TESMIN: variants seen among roughly 807,000 people sequenced by gnomAD.
The protein encoded by TESMIN is CXC domain containing 2.
TESMIN carries 34 observed loss-of-function variants against 47.4 expected under a neutral mutation model. The observed-to-expected ratio is 0.72, with a 90% CI of 0.55 to 0.96. The LOEUF (loss-of-function observed/expected upper bound fraction) is 0.96. Ranked by LOEUF, TESMIN falls within the 40% of genes least tolerant of loss-of-function variation. The probability of loss-of-function intolerance (pLI) is 0.00; values close to 1 mark genes in which losing one functional copy is unlikely to be tolerated. For synonymous variants in TESMIN, 278 were observed against 258.9 expected (o/e 1.07, Z -0.71); for missense variants, 610 against 637.2 (o/e 0.96, Z 0.46).
chr11:68,730,663 C>G (rs1034111376), intron 6 of TESMIN, among the ~76,000 whole-genome samples: 7 of 151,944 alleles, frequency 4.6e-5, no homozygotes, highest in Non-Finnish European at 1.0e-4. Flanking sequence ...GGCATGGTGG[C>G]GGGCACCTAT....
At chr11:68,750,943 C>G (rs1946595307) in intron 1 of TESMIN, among the ~76,000 whole-genome samples, 1 of 91,532 alleles carries the variant, frequency 1.1e-5, no homozygotes, top group Non-Finnish European at 2.1e-5. Context: ...AGGTGAGGGG[C>G]GGCCAGGTGA....
intron 6 of TESMIN, chr11:68,736,232 A>T: frequency 1.0e-6 from 1 of 985,440 alleles, no homozygotes; most frequent in Non-Finnish European, 1.2e-6. Flanking sequence ...TGGTAATAGG[A>T]TTATTAAAGC....
At chr11:68,704,857 C>A (rs1205650727), downstream of TESMIN, among the ~76,000 whole-genome samples, 2 of 152,150 alleles carry the variant, frequency 1.3e-5, no homozygotes, top group Non-Finnish European at 2.9e-5. Flanking sequence ...AACCAGCTAC[C>A]ATTTTTAGGA....
intron 6 of TESMIN, among the ~76,000 whole-genome samples, chr11:68,731,253 C>A (rs577546521): frequency 1.3e-4 from 20 of 152,052 alleles, no homozygotes; most frequent in Non-Finnish European, 2.8e-4. Flanking sequence ...TTTACCCATG[C>A]CATCGCTAAA....
At chr11:68,716,110 ATGC>A (rs1946135915) in intron 6 of TESMIN, among the ~76,000 whole-genome samples, 171 bp from the exon 7 acceptor site, 1 of 152,268 alleles carries the variant, frequency 6.6e-6, no homozygotes, top group Non-Finnish European at 1.5e-5. Flanking sequence ...AACTAGGATA[ATGC>A]TCACCAGTGA....
At chr11:68,721,138 C>T (rs1169216384) in intron 6 of TESMIN, among the ~76,000 whole-genome samples, 1 of 152,124 alleles carries the variant, frequency 6.6e-6, no homozygotes, top group Non-Finnish European at 1.5e-5. Flanking sequence ...TGTACATACC[C>T]CATACTATAG....
At chr11:68,735,647 C>T (rs1946378771) in intron 6 of TESMIN, among the ~76,000 whole-genome samples, 1 of 152,216 alleles carries the variant, frequency 6.6e-6, no homozygotes, top group Non-Finnish European at 1.5e-5. Flanking sequence ...GCACACTGTC[C>T]TATACGGACT....
At chr11:68,744,475 C>G (rs2153993006) in intron 4 of TESMIN, among the ~76,000 whole-genome samples, 1 of 152,304 alleles carries the variant, frequency 6.6e-6, no homozygotes, top group Admixed American at 6.5e-5. Flanking sequence ...AAAAAAGTTT[C>G]TTAGTCAGGT....
At chr11:68,745,886 G>A (rs748701921) in intron 3 of TESMIN, among the ~76,000 whole-genome samples, 53 of 152,266 alleles carry the variant, frequency 3.5e-4, no homozygotes, top group Non-Finnish European at 5.7e-4. Flanking sequence ...TGGCATGTGG[G>A]GATAGAAAGG....
chr11:68,727,680 A>C (rs577330590), intron 6 of TESMIN, among the ~76,000 whole-genome samples: 61 of 152,318 alleles, frequency 4.0e-4, no homozygotes, highest in African/African-American at 1.3e-3. Context: ...TTAATAAAAC[A>C]AATTGAAGGT....
chr11:68,713,249 G>A lies in TESMIN; in HGVS notation c.1158+21C>T, dbSNP rs755702383. On this transcript the variant is annotated intron_variant, in intron 8 of 9. Coordinates refer to ENST00000255087, the MANE Select transcript of TESMIN (RefSeq NM_004923.3). Reference sequence around the variant, plus strand: ...ATTTACCTGTGTTTTTTGTTAGTGAGTTAGGGAGCTGGGCACTAACCTCAT... The same window carrying A: ...ATTTACCTGTGTTTTTTGTTAGTGAATTAGGGAGCTGGGCACTAACCTCAT... 3.1e-6 allele frequency: 5 copies of A among 1,603,662 alleles called. No homozygotes were observed. In the African/African-American group the frequency reaches 6.7e-5, roughly 22 times the overall value.
At chr11:68,729,071 AT>A (rs1048172179) in intron 6 of TESMIN, among the ~76,000 whole-genome samples, 1 of 152,202 alleles carries the variant, frequency 6.6e-6, no homozygotes, top group African/African-American at 2.4e-5. Context: ...TAAGAAATAC[AT>A]TTCATAAATC....
Position 68,708,040 on chromosome 11 carries a change from C to T in TESMIN, c.*268G>A, listed in dbSNP as rs900574848. The T allele has an allele frequency of 2.9e-4, 137 of 469,570 alleles. 1 individual carries two copies. The highest frequency in any genetic ancestry group is 2.4e-3 in the South Asian group (117 of 47,932). 29.1% of individuals were successfully genotyped at this position (469,570 alleles called of 1,614,324 possible). Reference sequence around the variant, plus strand: ...CCCTCCCCTGCCCTGCTCTGCCCTCCGCCGCCCTGCAGACACTCTCCCAGG... The same window carrying T: ...CCCTCCCCTGCCCTGCTCTGCCCTCTGCCGCCCTGCAGACACTCTCCCAGG... On this transcript the variant is annotated 3_prime_UTR_variant, in exon 10 of 10. Coordinates refer to ENST00000255087, the MANE Select transcript of TESMIN (RefSeq NM_004923.3).
intron 4 of TESMIN, among the ~76,000 whole-genome samples, chr11:68,744,539 T>C: frequency 6.6e-6 from 1 of 152,256 alleles, no homozygotes; most frequent in East Asian, 1.9e-4. Flanking sequence ...ATTTCAGAAC[T>C]CATGGTGATT....
rs1594281648 is a variant in TESMIN, at chr11:68,707,969, C to T, written c.*339G>A. On this transcript the variant is annotated 3_prime_UTR_variant, in exon 10 of 10. Coordinates refer to ENST00000255087, the MANE Select transcript of TESMIN (RefSeq NM_004923.3). ...CAGAGTGAGCTCTCCGCAGGGCCTG[C>T]TCTGCCCTCCCCTGCCCCGCTCTGC... is the stretch of plus-strand genomic sequence containing the variant. 1 of 454,158 alleles carries T rather than the reference C, an allele frequency of 2.2e-6. No individual in the cohort carries two copies. The highest frequency in any genetic ancestry group is 4.3e-6 in the Non-Finnish European group (1 of 230,318). 28.1% of individuals were successfully genotyped at this position (454,158 alleles called of 1,614,324 possible).
chr11:68,734,704 T>C (rs1186897738), intron 6 of TESMIN, among the ~76,000 whole-genome samples: 1 of 152,196 alleles, frequency 6.6e-6, no homozygotes, highest in African/African-American at 2.4e-5. Context: ...CCCCCAGAGC[T>C]AGAACAGCAC....
At chr11:68,747,120 A>T (rs1297142090) in intron 3 of TESMIN, 88 bp downstream of exon 3, 13 of 1,436,948 alleles carry the variant, frequency 9.0e-6, no homozygotes, top group Non-Finnish European at 1.3e-5. Context: ...GAAATGAAAA[A>T]CGAGTGAAAT....
chr11:68,736,809 C>T (rs961018604), intron 6 of TESMIN: 3 of 955,064 alleles, frequency 3.1e-6, no homozygotes, highest in African/African-American at 2.0e-5. Context: ...GAGGAGGGGA[C>T]GAGAAGAGGA....
intron 6 of TESMIN, 27 bp from the exon 7 acceptor site, chr11:68,715,966 G>T: frequency 6.8e-7 from 1 of 1,464,340 alleles, no homozygotes; most frequent in Non-Finnish European, 9.6e-7. Context: ...AGAGTGAGTG[G>T]CAGGCACAGA....
Sources: allele counts gnomAD v4.1 joint callset (sites outside exome capture counted in the v4.1 genomes callset), GRCh38; gene constraint gnomAD v4.1.1; transcripts MANE v1.5; gene names NCBI Gene and HGNC (gene_info 2026-07-23, HGNC 2026-07-21).